CLNK: variants seen among roughly 807,000 people sequenced by gnomAD.
The protein encoded by CLNK is cytokine dependent hematopoietic cell linker, also known as cytokine-dependent hematopoietic cell linker.
Under a neutral mutation model 68.6 loss-of-function variants are expected in CLNK, and 74 were observed. The ratio of observed to expected loss-of-function variants is 1.08; its 90% CI spans 0.89 to 1.31. The LOEUF is 1.31. Ranked by LOEUF, CLNK falls within the 50% of genes most tolerant of loss-of-function variation. The pLI, the probability that CLNK is intolerant of heterozygous loss-of-function variation, is 0.00. For missense variants in CLNK, 553 were observed against 515.3 expected (o/e 1.07, Z -0.71); for synonymous variants, 198 against 172.2 (o/e 1.15, Z -1.17).
At chr4:10,729,718 T>G in the CLNK span, among the ~76,000 whole-genome samples, 9 of 152,254 alleles carry the variant, frequency 5.9e-5, no homozygotes, top group Non-Finnish European at 1.2e-4. Context: ...TGATGTCCCT[T>G]AAACCTCTAT....
intron 4 of CLNK, among the ~76,000 whole-genome samples, chr4:10,573,020 G>A (rs975671015): frequency 2.6e-5 from 4 of 151,970 alleles, no homozygotes; most frequent in Non-Finnish European, 4.4e-5. Flanking sequence ...AGTAGAAATG[G>A]GTTTCACTAT....
the CLNK span, among the ~76,000 whole-genome samples, chr4:10,724,220 C>G: frequency 6.6e-6 from 1 of 152,148 alleles, no homozygotes; most frequent in Admixed American, 6.5e-5. Flanking sequence ...CATCTTTGAT[C>G]TTTGTTTCAC....
rs1053070777 is a variant in CLNK at position 10,529,425 on chromosome 4, C to G, written c.631-1331G>C. On this transcript the variant is annotated intron_variant, in intron 12 of 18. Transcript: ENST00000226951. ...CTAAACTAACCCTGAGCCCAGCTCT[C>G]CTGACTCATAGTTGCTTCATAGATA... 1.2e-4 allele frequency among the ~76,000 whole-genome samples: 19 copies of G among 152,180 alleles called. 1 individual carries two copies. The highest frequency in any genetic ancestry group is 2.9e-5 in the Non-Finnish European group (2 of 68,042).
chr4:10,581,258 C>T (rs544552910), intron 4 of CLNK, among the ~76,000 whole-genome samples: 19 of 152,082 alleles, frequency 1.2e-4, no homozygotes, highest in African/African-American at 3.1e-4. Flanking sequence ...AATCACCTAA[C>T]GATGTATTTT....
chr4:10,513,071 A>T (rs576334566), intron 16 of CLNK, among the ~76,000 whole-genome samples: 7 of 152,286 alleles, frequency 4.6e-5, no homozygotes, highest in African/African-American at 1.4e-4. Flanking sequence ...GGACTGTTCA[A>T]CTGAAATGAG....
chr4:10,500,159 T>G (rs1716980260), intron 18 of CLNK, among the ~76,000 whole-genome samples: 1 of 152,184 alleles, frequency 6.6e-6, no homozygotes, highest in African/African-American at 2.4e-5. Context: ...AGAAGTTAAG[T>G]CACTGGACTG....
chr4:10,628,239 C>T (rs1722750888), intron 2 of CLNK, among the ~76,000 whole-genome samples: 1 of 152,066 alleles, frequency 6.6e-6, no homozygotes, highest in African/African-American at 2.4e-5. Flanking sequence ...GAAGGCTTAT[C>T]TCAATGTTTC....
intron 18 of CLNK, among the ~76,000 whole-genome samples, chr4:10,498,489 C>T (rs1716904393): frequency 6.6e-6 from 1 of 151,988 alleles, no homozygotes; most frequent in Non-Finnish European, 1.5e-5. Context: ...AAGACTCCGT[C>T]TCAAAATAAA....
At chr4:10,491,668 T>C (rs1425449881) in intron 18 of CLNK, among the ~76,000 whole-genome samples, 2 of 152,200 alleles carry the variant, frequency 1.3e-5, no homozygotes, top group Non-Finnish European at 2.9e-5. Flanking sequence ...TTATGGGTCA[T>C]TCCAGATAAG....
At chr4:10,711,314 A>G in the CLNK span, among the ~76,000 whole-genome samples, 1 of 152,220 alleles carries the variant, frequency 6.6e-6, no homozygotes, top group Non-Finnish European at 1.5e-5. Flanking sequence ...AAGAAACATC[A>G]ATTTCCCTTT....
At chr4:10,577,485 T>C (rs1720610941) in intron 4 of CLNK, among the ~76,000 whole-genome samples, 2 of 152,248 alleles carry the variant, frequency 1.3e-5, no homozygotes, top group African/African-American at 4.8e-5. Flanking sequence ...GCTACATGTC[T>C]TCCTTGTAGC....
At chr4:10,545,838 A>T (rs1719207302) in intron 8 of CLNK, among the ~76,000 whole-genome samples, 1 of 152,166 alleles carries the variant, frequency 6.6e-6, no homozygotes, top group African/African-American at 2.4e-5. Flanking sequence ...CCACACAGAT[A>T]CTGCCAAGGT....
intron 8 of CLNK, among the ~76,000 whole-genome samples, chr4:10,550,650 C>G (rs1445962998): frequency 6.6e-6 from 1 of 152,140 alleles, no homozygotes; most frequent in East Asian, 1.9e-4. Flanking sequence ...CCTAAATATA[C>G]AGACCTATGA....
intron 2 of CLNK, among the ~76,000 whole-genome samples, chr4:10,601,011 C>A (rs999203819): frequency 3.9e-5 from 6 of 152,184 alleles, no homozygotes; most frequent in African/African-American, 7.2e-5. Context: ...TCAGCTTTGG[C>A]CTTTTTAACT....
At chr4:10,732,768 G>T in the CLNK span, among the ~76,000 whole-genome samples, 1 of 151,506 alleles carries the variant, frequency 6.6e-6, no homozygotes, top group African/African-American at 2.4e-5. Flanking sequence ...ATAGCCACAG[G>T]AAGCCAAGTG....
At chr4:10,599,034 T>A (rs1419929182) in intron 2 of CLNK, among the ~76,000 whole-genome samples, 1 of 152,246 alleles carries the variant, frequency 6.6e-6, no homozygotes, top group South Asian at 2.1e-4. Context: ...AAGTGCTACT[T>A]CCTCAGAGAA....
chr4:10,629,882 T>A (rs1392947728), intron 2 of CLNK, among the ~76,000 whole-genome samples: 1 of 152,138 alleles, frequency 6.6e-6, no homozygotes, highest in Non-Finnish European at 1.5e-5. Flanking sequence ...TCTCCAAATT[T>A]ATTTTTTTCA....
intron 2 of CLNK, among the ~76,000 whole-genome samples, chr4:10,604,051 G>A (rs1721695436): frequency 6.6e-6 from 1 of 152,202 alleles, no homozygotes; most frequent in Non-Finnish European, 1.5e-5. Flanking sequence ...TATGAATGCA[G>A]CTATGCCAAC....
chr4:10,695,289 T>G, the CLNK span, among the ~76,000 whole-genome samples: 56,415 of 152,076 alleles, frequency 0.37, 10,574 homozygotes, highest in Admixed American at 0.41. Flanking sequence ...CACATTGTAC[T>G]CCTTAAATAT....
Sources: allele counts gnomAD v4.1 joint callset (sites outside exome capture counted in the v4.1 genomes callset), GRCh38; gene constraint gnomAD v4.1.1; transcripts MANE v1.5; gene names NCBI Gene and HGNC (gene_info 2026-07-23, HGNC 2026-07-21).